Variants in EPAS1 observed in about 807,000 individuals in gnomAD.
EPAS1 encodes the protein endothelial PAS domain protein 1.
In EPAS1, 23 loss-of-function variants were observed where a neutral mutation model predicts 87.9. That is an observed-to-expected ratio of 0.26 (90% CI 0.19 to 0.37). The LOEUF is 0.37. Among genes scored for constraint, EPAS1 ranks in the 10% least tolerant of loss-of-function variants. The pLI is 1.00. For missense variants in EPAS1, 1,138 were observed against 1,120.7 expected, an observed-to-expected ratio of 1.02 and a Z score of -0.22; for synonymous variants, 508 against 444.3, an observed-to-expected ratio of 1.14 and a Z score of -1.80.
At chr2:46,323,793 C>G (rs568711174) in intron 1 of EPAS1, among the ~76,000 whole-genome samples, 1 of 152,166 alleles carries the variant, frequency 6.6e-6, no homozygotes, top group African/African-American at 2.4e-5. Flanking sequence ...GCCCCTAGGT[C>G]ACTTGCTCAT....
chr2:46,347,083 C>A lies in EPAS1; in HGVS notation c.217+20C>A, dbSNP rs2103616432. On this transcript the variant is annotated intron_variant, in intron 2 of 15. Transcript: ENST00000263734. This position sits in a 1 kb window ranked among gnomAD's most constrained non-coding sequence, Gnocchi z 4.2. ...CCTCAGGTAAGGCCAGCAGGCTCCC[C>A]TAGGCTGGGCAGATGCCAGCCTTAC... The A allele has an allele frequency of 1.2e-6, 2 of 1,614,050 alleles. No homozygotes were observed. Among genetic ancestry groups the A allele is most frequent in the East Asian group, 4.5e-5 (2 of 44,886 alleles).
chr2:46,333,763 G>A (rs188705193), intron 1 of EPAS1, among the ~76,000 whole-genome samples: 63 of 152,088 alleles, frequency 4.1e-4, no homozygotes, highest in Admixed American at 1.0e-3. Context: ...GGAGCGACAA[G>A]CTGAAAATGG....
rs1449429883 is a variant in EPAS1, at chr2:46,370,047, T to TTG, written c.886+119_886+120dup. The TTG allele has an allele frequency of 1.2e-5, 10 of 828,020 alleles. No homozygotes were observed. The African/African-American group carries it at 1.4e-4, about 11-fold the overall frequency. The allele number at this position is 828,020 out of a possible 1,614,324, so 51.3% of individuals were successfully genotyped here. A position where few individuals can be genotyped will look rare whatever the true frequency, so the allele number is the denominator to read the frequency against. On this transcript the variant is annotated intron_variant, in intron 7 of 15. Coordinates refer to ENST00000263734, the MANE Select transcript of EPAS1 (RefSeq NM_001430.5). ...TCACTTCCTCCACAGAGCTGCTGTC[T>TTG]TGTGTGGCAGACAAGACTTATGCCC...
intron 2 of EPAS1, among the ~76,000 whole-genome samples, chr2:46,353,393 C>T (rs561422439): frequency 3.3e-5 from 5 of 152,256 alleles, no homozygotes; most frequent in South Asian, 2.1e-4. Flanking sequence ...GCTTCATGGG[C>T]GTGCAGCACA....
At position 46,346,337 on chromosome 2, in the gene EPAS1, A is replaced by C. The variant is rs758053199; in HGVS notation, c.27-536A>C. On this transcript the variant is annotated intron_variant, in intron 1 of 15. Coordinates refer to ENST00000263734, the MANE Select transcript of EPAS1 (RefSeq NM_001430.5). The surrounding 1 kb of genome is among the most constrained non-coding windows in gnomAD (Gnocchi z 4.0). Reference sequence around the variant, plus strand: ...GTTCTGGGGCTGTAATGGCATTTTCAGTTTTTACTGTGGAAATCACTTTCT... The same window carrying C: ...GTTCTGGGGCTGTAATGGCATTTTCCGTTTTTACTGTGGAAATCACTTTCT... 6.6e-6 allele frequency among the ~76,000 whole-genome samples: 1 copy of C among 152,196 alleles called. No homozygotes were observed. Among genetic ancestry groups the C allele is most frequent in the Non-Finnish European group, 1.5e-5 (1 of 68,022 alleles).
chr2:46,373,856 G>A (rs770465270), intron 7 of EPAS1, among the ~76,000 whole-genome samples: 28 of 152,330 alleles, frequency 1.8e-4, no homozygotes, highest in Admixed American at 3.3e-4. Context: ...CTATAATTCT[G>A]TCTACTGTTT....
At chr2:46,298,447 A>G (rs909062145) in intron 1 of EPAS1, among the ~76,000 whole-genome samples, 2 of 152,112 alleles carry the variant, frequency 1.3e-5, no homozygotes, top group African/African-American at 2.4e-5. Context: ...CGGCTCAGGG[A>G]CACGATCCTA....
At chr2:46,320,301 C>T (rs182303366) in intron 1 of EPAS1, among the ~76,000 whole-genome samples, 11 of 152,264 alleles carry the variant, frequency 7.2e-5, no homozygotes, top group Admixed American at 7.2e-4. Flanking sequence ...AGGGTACTTG[C>T]CATGTGTACA....
rs982005401 is a variant in EPAS1 at position 46,381,839 on chromosome 2, G to T, written c.2172+117G>T. Reference sequence around the variant, plus strand: ...CAGCATAGCCCTTAGGGAACCCAGGGCTGCTGAGAGGGGTGGGGATGTGGC... The same window carrying T: ...CAGCATAGCCCTTAGGGAACCCAGGTCTGCTGAGAGGGGTGGGGATGTGGC... On this transcript the variant is annotated intron_variant, in intron 13 of 15. Transcript: ENST00000263734. 3.2e-6 allele frequency: 5 copies of T among 1,559,574 alleles called. No individual in the cohort carries two copies. In the African/African-American group the frequency reaches 6.8e-5, roughly 21 times the overall value.
At chr2:46,369,737 G>T in intron 6 of EPAS1, 90 bp from the exon 7 acceptor site, 2 of 874,430 alleles carry the variant, frequency 2.3e-6, no homozygotes, top group South Asian at 2.8e-5. Context: ...GTGTGTGTTT[G>T]ATTTGCCTTC....
chr2:46,349,920 CA>C (rs1684115832), intron 2 of EPAS1, among the ~76,000 whole-genome samples: 1 of 152,144 alleles, frequency 6.6e-6, no homozygotes, highest in Non-Finnish European at 1.5e-5. Context: ...TCTTTCTCTG[CA>C]ATGTAGTAAA....
At chr2:46,376,388 T>G (rs1684748119) in intron 8 of EPAS1, 151 bp from the exon 9 acceptor site, 1 of 767,234 alleles carries the variant, frequency 1.3e-6, no homozygotes, top group African/African-American at 1.7e-5. Flanking sequence ...CTCACACACT[T>G]CTATTGTATG....
intron 8 of EPAS1, 84 bp from the exon 9 acceptor site, chr2:46,376,455 G>C (rs1684749644): frequency 7.4e-7 from 1 of 1,359,544 alleles, no homozygotes. Flanking sequence ...GGAGAGCTTA[G>C]CTATGAGGGT....
In EPAS1 at chr2:46,331,359, A is replaced by G. The variant is rs993954946; in HGVS notation, c.27-15514A>G. ...AAATAAATGAAAGCCCTGGCTCATC[A>G]AACAAAGACCAGATGTGATTTAAAT... On this transcript the variant is annotated intron_variant, in intron 1 of 15. Transcript: ENST00000263734. Among the ~76,000 whole-genome samples the G allele has an allele frequency of 9.9e-5, 15 of 152,268 alleles. 1 individual carries two copies. The East Asian group carries it at 2.9e-3, about 29-fold the overall frequency.
Position 46,384,435 on chromosome 2 carries a change from A to G in EPAS1, c.2462-74A>G, listed in dbSNP as rs906532798. The G allele has an allele frequency of 5.6e-6, 9 of 1,599,334 alleles. No homozygotes were observed. In the African/African-American group the frequency reaches 8.0e-5, roughly 14 times the overall value. On this transcript the variant is annotated intron_variant, in intron 15 of 15. Coordinates refer to ENST00000263734, the MANE Select transcript of EPAS1 (RefSeq NM_001430.5). ...TAGGGCTGCTCTATTGGTATCCCCC[A>G]GTCACAAAGAAGTAGACACTTTTCC...
chr2:46,365,664 T>C (rs1050483809), intron 6 of EPAS1, among the ~76,000 whole-genome samples: 2 of 152,248 alleles, frequency 1.3e-5, no homozygotes, highest in Non-Finnish European at 2.9e-5. Flanking sequence ...AGATTTCATA[T>C]AACCATGTAG....
chr2:46,308,634 A>C (rs1030736537), intron 1 of EPAS1, among the ~76,000 whole-genome samples: 1 of 152,234 alleles, frequency 6.6e-6, no homozygotes, highest in African/African-American at 2.4e-5. Flanking sequence ...AGGAAAAGAA[A>C]AAATTTGGGG....
At chr2:46,374,432 G>C (rs1684688993) in intron 7 of EPAS1, among the ~76,000 whole-genome samples, 1 of 152,182 alleles carries the variant, frequency 6.6e-6, no homozygotes, top group Admixed American at 6.5e-5. Context: ...GTGACAGTTG[G>C]TCAACACTTA....
intron 1 of EPAS1, among the ~76,000 whole-genome samples, chr2:46,315,138 C>T (rs1035214407): frequency 6.6e-6 from 1 of 152,140 alleles, no homozygotes; most frequent in East Asian, 1.9e-4. Flanking sequence ...GAGGTTGTGG[C>T]CACTGTGACT....
Sources: allele counts gnomAD v4.1 joint callset (sites outside exome capture counted in the v4.1 genomes callset), GRCh38; gene constraint gnomAD v4.1.1; non-coding constraint Gnocchi (gnomAD v3.1); transcripts MANE v1.5; gene names NCBI Gene and HGNC (gene_info 2026-07-23, HGNC 2026-07-21).